Variants in NOX5 observed in about 807,000 individuals in gnomAD.
NOX5 encodes the protein NADPH oxidase, EF-hand calcium binding domain 5.
In NOX5, 76 loss-of-function variants were observed where a neutral mutation model predicts 85.7. The observed-to-expected ratio is 0.89, with a 90% CI of 0.74 to 1.07. NOX5 has a LOEUF of 1.07. Ranked by LOEUF, NOX5 falls within the 50% of genes least tolerant of loss-of-function variation. The pLI is 0.00. For missense variants in NOX5, 973 were observed against 999.5 expected (o/e 0.97, Z 0.36); for synonymous variants, 405 against 401.4 (o/e 1.01, Z -0.11).
At chr15:69,046,723 TTTATAAA>T in intron 10 of NOX5, 92 bp from the exon 11 acceptor site, 1 of 1,161,942 alleles carries the variant, frequency 8.6e-7, no homozygotes, top group Non-Finnish European at 1.2e-6. Flanking sequence ...CAATTCCCTT[TTTATAAA>T]GTTGCTCAGA....
chr15:69,051,625 T>A (rs973616300), intron 14 of NOX5, among the ~76,000 whole-genome samples: 1 of 152,146 alleles, frequency 6.6e-6, no homozygotes, highest in Non-Finnish European at 1.5e-5. Context: ...TCTACCAGCT[T>A]TGGCCTCCCA....
intron 13 of NOX5, 129 bp downstream of exon 13, chr15:69,048,040 C>T: frequency 1.3e-6 from 1 of 747,642 alleles, no homozygotes. Flanking sequence ...TCTTTCCCCA[C>T]AATACCCTGA....
At chr15:69,046,712 G>T (rs1567105817) in intron 10 of NOX5, 110 bp from the exon 11 acceptor site, 3 of 1,012,402 alleles carry the variant, frequency 3.0e-6, no homozygotes, top group Non-Finnish European at 4.5e-6. Flanking sequence ...GGCAGAAAAA[G>T]CAATTCCCTT....
At position 69,053,173 on chromosome 15, in the gene NOX5, TC is replaced by T. The variant is rs200119066; in HGVS notation, c.2000-2160del. Among the ~76,000 whole-genome samples, 214 of 152,352 alleles carry T rather than the reference TC, an allele frequency of 1.4e-3. 2 individuals carry two copies. The highest frequency in any genetic ancestry group is 5.0e-3 in the African/African-American group (206 of 41,588). On this transcript the variant is annotated intron_variant, in intron 14 of 15. Coordinates refer to ENST00000388866, the MANE Select transcript of NOX5 (RefSeq NM_024505.4). ...ATTTTTCATTGCTATAGCTTAAGCGTCAATTATTCTGTCTAAGTTTGTATCT... is the reference window on the plus strand; with the variant it reads ...ATTTTTCATTGCTATAGCTTAAGCGTAATTATTCTGTCTAAGTTTGTATCT...
rs1203942131 is a variant in NOX5, at chr15:69,042,544, A to G, written c.1505-119A>G. 3.6e-6 allele frequency: 4 copies of G among 1,115,778 alleles called. No homozygotes were observed. The African/African-American group carries it at 4.7e-5, about 13-fold the overall frequency. 69.1% of individuals were successfully genotyped at this position (1,115,778 alleles called of 1,614,324 possible). ...TGCTAGTCTGGTCCTGAGGAAGGACATTCAAACCAGGACTTGGAGGGCTGA... is the reference window on the plus strand; with the variant it reads ...TGCTAGTCTGGTCCTGAGGAAGGACGTTCAAACCAGGACTTGGAGGGCTGA... On this transcript the variant is annotated intron_variant, in intron 9 of 15. Transcript: ENST00000388866.
intron 14 of NOX5, among the ~76,000 whole-genome samples, 196 bp downstream of exon 14, chr15:69,049,254 C>T (rs960920630): frequency 2.7e-5 from 4 of 149,834 alleles, no homozygotes; most frequent in South Asian, 2.2e-4. Context: ...TGCAGTAGCA[C>T]GATTATGGCT....
At chr15:69,031,449 C>T (rs1595775053) in intron 3 of NOX5, 69 bp from the exon 4 acceptor site, 1 of 1,520,486 alleles carries the variant, frequency 6.6e-7, no homozygotes. Context: ...ATGGTCTATA[C>T]CCCCAAGGAA....
rs1245021363 is a variant in NOX5 at position 69,033,258 on chromosome 15, T to C, written c.836T>C (p.Phe279Ser). The change falls in exon 5 of 16, where the codon TTC becomes TCC. Residue 279 changes from phenylalanine (F) to serine (S), a missense_variant. Transcript: ENST00000388866. Reference sequence around the variant, plus strand: ...AAGGGCTGCGGCCAGTGCCTCAACTTCGACTGCAGCTTCATCGCGGTAGGC... The same window carrying C: ...AAGGGCTGCGGCCAGTGCCTCAACTCCGACTGCAGCTTCATCGCGGTAGGC... ...VAKGCGQCLN[F>S]DCSFIAVLML... 1 of 1,595,468 alleles carries C rather than the reference T, an allele frequency of 6.3e-7. No homozygotes were observed. The highest frequency in any genetic ancestry group is 1.1e-5 in the South Asian group (1 of 90,054).
chr15:69,024,489 C>T (rs941490294), intron 1 of NOX5, among the ~76,000 whole-genome samples: 2 of 152,140 alleles, frequency 1.3e-5, no homozygotes, highest in Non-Finnish European at 2.9e-5. Context: ...GCCCATCCCT[C>T]AGTCACTTAG....
At position 69,037,059 on chromosome 15, in the gene NOX5, T is replaced by TC. The variant is rs777488312; in HGVS notation, c.1221dup (p.Val408ArgfsTer65). The TC allele has an allele frequency of 5.0e-6, 8 of 1,613,526 alleles. No individual in the cohort carries two copies. In the African/African-American group the frequency reaches 1.1e-4, roughly 22 times the overall value. On this transcript the variant is annotated frameshift_variant, in exon 8 of 16. Transcript: ENST00000388866. LOFTEE classifies it high-confidence loss of function. The stretch of plus-strand genomic sequence containing the variant: ...TATTGGACTCACCTGTCCTACCTCC[T>TC]CGTGTGGCTTCTGCTCATCTTTCAT...
In NOX5 at chr15:69,038,892, T is replaced by C; in HGVS notation, c.1407T>C (p.Phe469=). The C allele has an allele frequency of 1.2e-6, 2 of 1,614,162 alleles. No individual in the cohort carries two copies. The highest frequency in any genetic ancestry group is 1.1e-5 in the South Asian group (1 of 91,080). Residue 469 remains phenylalanine, a synonymous_variant, in exon 9 of 16, where the codon TTT becomes TTC. Transcript: ENST00000388866. ...THLLIKRPPF[F]HYRPGDYLYL... ...TCCTCATCAAGCGGCCCCCTTTTTT[T>C]CACTATAGACCTGGTGACTACTTGT...
rs374561024 is a variant in NOX5 at position 69,026,666 on chromosome 15, A to G, written c.174+15A>G. 6.2e-7 allele frequency: 1 copy of G among 1,613,782 alleles called. No individual in the cohort carries two copies. The highest frequency in any genetic ancestry group is 1.3e-5 in the African/African-American group (1 of 74,910). On this transcript the variant is annotated intron_variant, in intron 2 of 15. Coordinates refer to ENST00000388866, the MANE Select transcript of NOX5 (RefSeq NM_024505.4). Reference sequence around the variant, plus strand: ...ATGTGAAAGAGGCAAGTGTTGGGCCAAGGTGGAAGCCCTGCATTTATCGTT... The same window carrying G: ...ATGTGAAAGAGGCAAGTGTTGGGCCGAGGTGGAAGCCCTGCATTTATCGTT...
intron 11 of NOX5, 61 bp from the exon 12 acceptor site, chr15:69,047,352 G>C: frequency 6.7e-7 from 1 of 1,490,920 alleles, no homozygotes; most frequent in Non-Finnish European, 8.9e-7. Context: ...GACATCCCCT[G>C]GTAGCAGGGG....
At chr15:69,031,189 C>T in intron 3 of NOX5, 1 of 405,908 alleles carries the variant, frequency 2.5e-6, no homozygotes, top group Non-Finnish European at 4.5e-6. Flanking sequence ...CGCTAACCCA[C>T]ATACAGTGTG....
intron 3 of NOX5, chr15:69,029,359 A>T (rs1351066199): frequency 1.3e-5 from 2 of 152,232 alleles, no homozygotes; most frequent in East Asian, 3.8e-4. Flanking sequence ...ATAATATTCC[A>T]TTGTAGGTAT....
At chr15:69,031,286 G>C in intron 3 of NOX5, 1 of 557,936 alleles carries the variant, frequency 1.8e-6, no homozygotes, top group Non-Finnish European at 3.2e-6. Flanking sequence ...CTTGGAAGTT[G>C]AGTAGTACTT....
chr15:69,038,506 A>T, intron 8 of NOX5: 1 of 348,832 alleles, frequency 2.9e-6, no homozygotes, highest in Non-Finnish European at 5.3e-6. Context: ...AATGCTAGCC[A>T]CACTCTGGCT....
chr15:69,056,874 C>A lies in NOX5; in HGVS notation c.*178C>A. On this transcript the variant is annotated 3_prime_UTR_variant, in exon 16 of 16. Coordinates refer to ENST00000388866, the MANE Select transcript of NOX5 (RefSeq NM_024505.4). Reference sequence around the variant, plus strand: ...ACCCCAAGGGGCAGATGAACTTCCTCTAGAACCCAGGGGAAGGGACAGTGC... The same window carrying A: ...ACCCCAAGGGGCAGATGAACTTCCTATAGAACCCAGGGGAAGGGACAGTGC... The A allele has an allele frequency of 1.5e-6, 1 of 670,742 alleles. No individual in the cohort carries two copies. Among genetic ancestry groups the A allele is most frequent in the African/African-American group, 1.8e-5 (1 of 55,204 alleles). The allele number at this position is 670,742 out of a possible 1,614,324, so 41.5% of individuals were successfully genotyped here.
At chr15:69,034,382 A>G (rs1225453472) in intron 5 of NOX5, among the ~76,000 whole-genome samples, 1 of 152,178 alleles carries the variant, frequency 6.6e-6, no homozygotes, top group Non-Finnish European at 1.5e-5. Flanking sequence ...TTTTGTCTTA[A>G]TGGCTCAACG....
Sources: allele counts gnomAD v4.1 joint callset (sites outside exome capture counted in the v4.1 genomes callset), GRCh38; gene constraint gnomAD v4.1.1; transcripts MANE v1.5; gene names NCBI Gene and HGNC (gene_info 2026-07-23, HGNC 2026-07-21).